Variants in CPPED1 observed in about 807,000 individuals in gnomAD.
CPPED1 encodes serine/threonine-protein phosphatase CPPED1.
Under a neutral mutation model 28.0 loss-of-function variants are expected in CPPED1, and 28 were observed. That is an observed-to-expected ratio of 1.00 (90% CI 0.74 to 1.37). CPPED1 has a LOEUF of 1.37. CPPED1 is among the 40% of genes most tolerant of loss of function. CPPED1 has a pLI of 0.00. For synonymous variants in CPPED1, 198 were observed against 180.2 expected, an observed-to-expected ratio of 1.10 and a Z score of -0.79; for missense variants, 504 against 416.5, an observed-to-expected ratio of 1.21 and a Z score of -1.83.
intron 3 of CPPED1, among the ~76,000 whole-genome samples, chr16:12,685,119 G>A (rs1417335765): frequency 1.3e-5 from 2 of 152,160 alleles, no homozygotes; most frequent in Non-Finnish European, 2.9e-5. Context: ...ACTGCACCTC[G>A]CTGTACATTG....
intron 3 of CPPED1, among the ~76,000 whole-genome samples, chr16:12,665,672 G>A (rs2079821643): frequency 2.6e-5 from 4 of 152,158 alleles, no homozygotes. Flanking sequence ...GCTCACGCCT[G>A]TAATCACAGC....
In CPPED1 at chr16:12,740,562, G is replaced by T. The variant is rs183512119; in HGVS notation, c.290-35513C>A. Among the ~76,000 whole-genome samples the T allele has an allele frequency of 3.5e-3, 534 of 152,228 alleles. 5 individuals carry two copies. The highest frequency in any genetic ancestry group is 0.012 in the African/African-American group (513 of 41,534). On this transcript the variant is annotated intron_variant, in intron 2 of 3. Coordinates refer to ENST00000381774, the MANE Select transcript of CPPED1 (RefSeq NM_018340.3). Reference sequence around the variant, plus strand: ...CTCATGGAGTTTACCGTCTACTGGGGATGAGGACAATAGAAGGGCCTCACA... The same window carrying T: ...CTCATGGAGTTTACCGTCTACTGGGTATGAGGACAATAGAAGGGCCTCACA...
intron 1 of CPPED1, among the ~76,000 whole-genome samples, chr16:12,796,368 A>C (rs370375034): frequency 2.0e-5 from 3 of 151,562 alleles, no homozygotes; most frequent in South Asian, 2.1e-4. Context: ...GGTTGTGTGC[A>C]CCTGAAATCC....
intron 3 of CPPED1, among the ~76,000 whole-genome samples, chr16:12,688,020 G>A (rs942633331): frequency 2.0e-5 from 3 of 151,782 alleles, no homozygotes; most frequent in Non-Finnish European, 2.9e-5. Context: ...CAGGTGCCAC[G>A]CAACTCACAC....
chr16:12,696,552 G>T (rs939997693), intron 3 of CPPED1, among the ~76,000 whole-genome samples: 1 of 148,812 alleles, frequency 6.7e-6, no homozygotes, highest in African/African-American at 2.5e-5. Context: ...AGTGATTCTC[G>T]TGCCTCAGCC....
chr16:12,666,923 TAGGCTA>T (rs1296865631), intron 3 of CPPED1, among the ~76,000 whole-genome samples: 1 of 152,046 alleles, frequency 6.6e-6, no homozygotes, highest in Admixed American at 6.6e-5. Context: ...AGTACACCAC[TAGGCTA>T]AGGCTTACTG....
chr16:12,714,397 A>G (rs1226172064), intron 2 of CPPED1, among the ~76,000 whole-genome samples: 3 of 152,068 alleles, frequency 2.0e-5, no homozygotes, highest in South Asian at 2.1e-4. Context: ...ACCATCCTAC[A>G]TTCCTACCAG....
intron 2 of CPPED1, among the ~76,000 whole-genome samples, chr16:12,760,148 G>A (rs546717697): frequency 3.3e-5 from 5 of 152,338 alleles, no homozygotes; most frequent in African/African-American, 4.8e-5. Context: ...CGCTGAATCC[G>A]TAAGAATAAA....
At chr16:12,764,324 C>T (rs994813075) in intron 2 of CPPED1, among the ~76,000 whole-genome samples, 1 of 152,074 alleles carries the variant, frequency 6.6e-6, no homozygotes, top group African/African-American at 2.4e-5. Context: ...GTGCCTCAGC[C>T]TCCCAAGTAG....
intron 3 of CPPED1, 63 bp from the exon 4 acceptor site, chr16:12,665,178 C>A: frequency 6.8e-7 from 1 of 1,463,708 alleles, no homozygotes; most frequent in Non-Finnish European, 9.2e-7. Flanking sequence ...CTAGGGTCTC[C>A]AGCATTTTAT....
chr16:12,696,042 T>TAAA (rs2079988214), intron 3 of CPPED1, among the ~76,000 whole-genome samples: 1 of 152,234 alleles, frequency 6.6e-6, no homozygotes, highest in African/African-American at 2.4e-5. Context: ...AAATTAAAAG[T>TAAA]AGCATGCCTT....
chr16:12,767,950 G>C (rs2080448805), intron 2 of CPPED1, among the ~76,000 whole-genome samples: 1 of 152,000 alleles, frequency 6.6e-6, no homozygotes, highest in Admixed American at 6.6e-5. Flanking sequence ...TTGGGACTCT[G>C]ACTCAAAAAA....
At chr16:12,703,590 G>A (rs542134473) in intron 3 of CPPED1, among the ~76,000 whole-genome samples, 1 of 151,056 alleles carries the variant, frequency 6.6e-6, no homozygotes, top group South Asian at 2.1e-4. Flanking sequence ...GCTGAGGCAT[G>A]AGAATCACTT....
intron 2 of CPPED1, among the ~76,000 whole-genome samples, chr16:12,777,913 T>C (rs7501020): frequency 7.1e-6 from 1 of 140,914 alleles, no homozygotes; most frequent in East Asian, 2.1e-4. Context: ...CTTTTTTTTT[T>C]TTTTTTCTTT....
chr16:12,761,057 C>A (rs2080406384), intron 2 of CPPED1: 1 of 152,154 alleles, frequency 6.6e-6, no homozygotes, highest in South Asian at 2.1e-4. Flanking sequence ...GCAGCCTCAG[C>A]CCATCAGAAG....
At chr16:12,776,137 A>C (rs1463742958) in intron 2 of CPPED1, among the ~76,000 whole-genome samples, 1 of 152,218 alleles carries the variant, frequency 6.6e-6, no homozygotes, top group Admixed American at 6.5e-5. Flanking sequence ...AAGCAGGAGA[A>C]TCAGAGTAAC....
intron 3 of CPPED1, 58 bp downstream of exon 3, chr16:12,704,566 G>C: frequency 6.6e-7 from 1 of 1,512,026 alleles, no homozygotes. Context: ...GAAAGATCTG[G>C]AAATGCCCTC....
At chr16:12,774,982 G>A (rs1013155820) in intron 2 of CPPED1, among the ~76,000 whole-genome samples, 4 of 152,162 alleles carry the variant, frequency 2.6e-5, no homozygotes, top group South Asian at 2.1e-4. Flanking sequence ...CACCATGCCT[G>A]GATAATTTTC....
At chr16:12,725,150 G>A (rs1409809609) in intron 2 of CPPED1, among the ~76,000 whole-genome samples, 1 of 152,070 alleles carries the variant, frequency 6.6e-6, no homozygotes, top group South Asian at 2.1e-4. Context: ...AGAGTGCAGT[G>A]TGGTGTGATC....
Sources: allele counts gnomAD v4.1 joint callset (sites outside exome capture counted in the v4.1 genomes callset), GRCh38; gene constraint gnomAD v4.1.1; transcripts MANE v1.5; gene names NCBI Gene and HGNC (gene_info 2026-07-23, HGNC 2026-07-21).